Variants in OSCP1 observed in about 807,000 individuals in gnomAD.
OSCP1 encodes the protein organic solute carrier partner 1.
Under a neutral mutation model 45.1 loss-of-function variants are expected in OSCP1, and 35 were observed. The observed-to-expected ratio is 0.78, with a 90% CI of 0.59 to 1.03. OSCP1 has a LOEUF of 1.03. OSCP1 is among the 50% of genes least tolerant of loss of function. The probability of loss-of-function intolerance (pLI) is 0.00; values close to 1 mark genes in which losing one functional copy is unlikely to be tolerated. For missense variants in OSCP1, 400 were observed against 470.7 expected, an observed-to-expected ratio of 0.85 and a Z score of 1.39; for synonymous variants, 179 against 180.1, an observed-to-expected ratio of 0.99 and a Z score of 0.05.
intron 1 of OSCP1, chr1:36,444,036 A>C (rs1353938183): frequency 6.2e-7 from 1 of 1,613,346 alleles, no homozygotes. Context: ...CCATTCATCT[A>C]CATGAAGCAT....
At chr1:36,439,727 A>C (rs149158928) in intron 1 of OSCP1, among the ~76,000 whole-genome samples, 1 of 152,210 alleles carries the variant, frequency 6.6e-6, no homozygotes, top group African/African-American at 2.4e-5. Context: ...TGAATGCCTT[A>C]ATTTCCACAT....
At chr1:36,438,001 C>A (rs534328313) in intron 2 of OSCP1, among the ~76,000 whole-genome samples, 5 of 152,004 alleles carry the variant, frequency 3.3e-5, no homozygotes, top group Non-Finnish European at 7.4e-5. Context: ...AAAGTGAGAC[C>A]CCATTTCTAC....
chr1:36,447,961 G>A lies in OSCP1; in HGVS notation c.112+2297C>T. 4.6e-6 allele frequency: 2 copies of A among 437,436 alleles called. No individual in the cohort carries two copies. Among genetic ancestry groups the A allele is most frequent in the Admixed American group, 2.4e-5 (1 of 40,862 alleles). The allele number at this position is 437,436 out of a possible 1,614,324, so 27.1% of individuals were successfully genotyped here. A position where few individuals can be genotyped will look rare whatever the true frequency, so the allele number is the denominator to read the frequency against. The stretch of plus-strand genomic sequence containing the variant: ...ACTCCCAAAACCATATTTAGCAAAA[G>A]CAGAAAAAAGGCTATAACTCCTAAA... On this transcript the variant is annotated intron_variant, in intron 1 of 9. Transcript: ENST00000235532. The surrounding 1 kb of genome is among the most constrained non-coding windows in gnomAD (Gnocchi z 4.1).
At chr1:36,435,565 T>C (rs1226034526) in intron 2 of OSCP1, among the ~76,000 whole-genome samples, 10 of 152,164 alleles carry the variant, frequency 6.6e-5, no homozygotes, top group Non-Finnish European at 1.2e-4. Flanking sequence ...TCCTAATAAT[T>C]GATGAAGTAG....
chr1:36,443,865 C>T, intron 1 of OSCP1: 1 of 909,628 alleles, frequency 1.1e-6, no homozygotes, highest in East Asian at 2.4e-5. Context: ...ACCAATATCT[C>T]AGCTAAAGAC....
intron 4 of OSCP1, among the ~76,000 whole-genome samples, chr1:36,424,048 C>G (rs914314707): frequency 1.3e-5 from 2 of 151,994 alleles, no homozygotes; most frequent in Non-Finnish European, 2.9e-5. Flanking sequence ...CCAGCTCACG[C>G]GATTCTCCCG....
chr1:36,426,779 C>T (rs1488812935), intron 4 of OSCP1, among the ~76,000 whole-genome samples: 8 of 152,008 alleles, frequency 5.3e-5, no homozygotes, highest in African/African-American at 1.9e-4. Context: ...GATCTCGGCT[C>T]ACTGCAACCT....
chr1:36,441,327 G>C (rs1198740554), intron 1 of OSCP1, among the ~76,000 whole-genome samples: 1 of 152,212 alleles, frequency 6.6e-6, no homozygotes, highest in East Asian at 1.9e-4. Context: ...CCTTGGTTGA[G>C]GCAGACCTAT....
rs772860000 is a variant in OSCP1 at position 36,444,080 on chromosome 1, C to T, written c.113-5170G>A. 8.8e-6 allele frequency: 14 copies of T among 1,582,414 alleles called. No homozygotes were observed. In the East Asian group the frequency reaches 2.9e-4, roughly 33 times the overall value. On this transcript the variant is annotated intron_variant, in intron 1 of 9. Transcript: ENST00000235532. ...AAAACACCAGTTCATGAAGCAAGAA[C>T]ATTATTTTCAAGGAGGCTTTAAACA...
chr1:36,423,570 G>T, intron 4 of OSCP1, 104 bp from the exon 5 acceptor site: 2 of 876,900 alleles, frequency 2.3e-6, no homozygotes, highest in Non-Finnish European at 1.8e-6. Flanking sequence ...TGACCTATGA[G>T]TTTATAACAA....
At chr1:36,445,786 C>T (rs1425368052) in intron 1 of OSCP1, among the ~76,000 whole-genome samples, 3 of 152,164 alleles carry the variant, frequency 2.0e-5, no homozygotes, top group African/African-American at 7.2e-5. Flanking sequence ...GCGATCTCGG[C>T]TCACTGCAAC....
At position 36,418,089 on chromosome 1, in the gene OSCP1, C is replaced by T. The variant is rs1331220411; in HGVS notation, c.*50G>A. The T allele has an allele frequency of 2.7e-6, 4 of 1,507,786 alleles. No homozygotes were observed. The South Asian group carries it at 4.5e-5, about 17-fold the overall frequency. 93.4% of individuals were successfully genotyped at this position (1,507,786 alleles called of 1,614,324 possible). A position where few individuals can be genotyped will look rare whatever the true frequency, so the allele number is the denominator to read the frequency against. ...GGGCCATGGGGCATTCCCCAGGGGT[C>T]ACCATCCAGCAGCCTCTCCCTGGGG... is the stretch of plus-strand genomic sequence containing the variant. On this transcript the variant is annotated 3_prime_UTR_variant, in exon 10 of 10. Transcript: ENST00000235532.
intron 4 of OSCP1, among the ~76,000 whole-genome samples, chr1:36,427,299 CTTTT>C (rs71053929): frequency 2.1e-5 from 2 of 96,302 alleles, no homozygotes; most frequent in Non-Finnish European, 3.8e-5. Flanking sequence ...GGCGCCTGGC[CTTTT>C]TTTTTTTTTT....
At chr1:36,422,324 C>T in intron 6 of OSCP1, 105 bp from the exon 7 acceptor site, 4 of 1,067,838 alleles carry the variant, frequency 3.7e-6, no homozygotes. Flanking sequence ...CATTAAATAG[C>T]ATCCAGAAAG....
chr1:36,429,785 C>T (rs1648237233), intron 4 of OSCP1, among the ~76,000 whole-genome samples: 1 of 150,866 alleles, frequency 6.6e-6, no homozygotes. Flanking sequence ...GACAGGGTCT[C>T]AGCCCAGGCT....
chr1:36,437,440 A>G (rs1346212198), intron 2 of OSCP1, among the ~76,000 whole-genome samples: 1 of 152,222 alleles, frequency 6.6e-6, no homozygotes, highest in Non-Finnish European at 1.5e-5. Context: ...TGGTTTCTAC[A>G]TTGCAGAGCT....
intron 1 of OSCP1, among the ~76,000 whole-genome samples, chr1:36,449,036 C>CA (rs1649710786): frequency 6.6e-6 from 1 of 152,182 alleles, no homozygotes; most frequent in Admixed American, 6.5e-5. Context: ...GACTTGCACT[C>CA]AGTCACACAC....
chr1:36,430,808 C>T (rs942209888), intron 4 of OSCP1, among the ~76,000 whole-genome samples: 2 of 152,136 alleles, frequency 1.3e-5, no homozygotes, highest in African/African-American at 4.8e-5. Flanking sequence ...GTGCTTGCCA[C>T]CATGCCCGGC....
At chr1:36,429,321 G>A (rs1648189112) in intron 4 of OSCP1, among the ~76,000 whole-genome samples, 2 of 151,844 alleles carry the variant, frequency 1.3e-5, no homozygotes, top group South Asian at 2.1e-4. Context: ...AGGAGATTGA[G>A]GCTGCAGTGA....
Sources: allele counts gnomAD v4.1 joint callset (sites outside exome capture counted in the v4.1 genomes callset), GRCh38; gene constraint gnomAD v4.1.1; non-coding constraint Gnocchi (gnomAD v3.1); transcripts MANE v1.5; gene names NCBI Gene and HGNC (gene_info 2026-07-23, HGNC 2026-07-21).